Variants in PROS1 observed in about 807,000 individuals in gnomAD.
PROS1 encodes vitamin K-dependent protein S.
A neutral mutation model predicts 75.9 loss-of-function variants in PROS1; 29 were observed. The ratio of observed to expected loss-of-function variants is 0.38; its 90% CI spans 0.28 to 0.52. The LOEUF (loss-of-function observed/expected upper bound fraction) is 0.52, where lower values mean the gene tolerates loss of function less well. PROS1 is among the 20% of genes least tolerant of loss of function. The pLI, the probability that PROS1 is intolerant of heterozygous loss-of-function variation, is 0.83. For missense variants in PROS1, 680 were observed against 810.3 expected, an observed-to-expected ratio of 0.84 and a Z score of 1.95; for synonymous variants, 245 against 280.6, an observed-to-expected ratio of 0.87 and a Z score of 1.27.
intron 1 of PROS1, among the ~76,000 whole-genome samples, chr3:93,960,686 T>C (rs1334761108): frequency 2.6e-5 from 4 of 151,876 alleles, no homozygotes; most frequent in Non-Finnish European, 5.9e-5. Context: ...CATCAAGATT[T>C]AGAAATTTGA....
At chr3:93,961,860 A>G (rs1006722416) in intron 1 of PROS1, among the ~76,000 whole-genome samples, 2 of 152,172 alleles carry the variant, frequency 1.3e-5, no homozygotes, top group Non-Finnish European at 2.9e-5. Context: ...AAAGCCAGAC[A>G]TTCCTTGGCA....
chr3:93,883,265 C>T (rs1304088338), intron 12 of PROS1, among the ~76,000 whole-genome samples: 19 of 152,010 alleles, frequency 1.2e-4, no homozygotes, highest in East Asian at 1.9e-4. Context: ...TTTCTTGAGG[C>T]GTATTATGGA....
Position 93,874,196 on chromosome 3 carries a change from A to C in PROS1, c.*49T>G. The C allele has an allele frequency of 6.3e-7, 1 of 1,598,270 alleles. No individual in the cohort carries two copies. Among genetic ancestry groups the C allele is most frequent in the Non-Finnish European group, 8.6e-7 (1 of 1,166,234 alleles). On this transcript the variant is annotated 3_prime_UTR_variant, in exon 15 of 15. Coordinates refer to ENST00000394236, the MANE Select transcript of PROS1 (RefSeq NM_000313.4). ...ACCCTTCAGCTGTTATTGAAACATA[A>C]GTATAATTACACACAAGGAAAAGGT... is the stretch of plus-strand genomic sequence containing the variant.
intron 10 of PROS1, among the ~76,000 whole-genome samples, chr3:93,892,546 C>T (rs1708445695): frequency 6.6e-6 from 1 of 151,572 alleles, no homozygotes; most frequent in Admixed American, 6.6e-5. Flanking sequence ...ATCACTTGAA[C>T]CTGGGAGGTG....
Position 93,907,510 on chromosome 3 carries a change from T to C in PROS1, c.347-1367A>G, listed in dbSNP as rs578177644. Among the ~76,000 whole-genome samples, 3 of 152,302 alleles carry C rather than the reference T, an allele frequency of 2.0e-5. No homozygotes were observed. The East Asian group carries it at 5.8e-4, about 30-fold the overall frequency. On this transcript the variant is annotated intron_variant, in intron 4 of 14. Transcript: ENST00000394236. ...GCCACCTGCTTCAAGCCCTCCTCTC[T>C]GCTGAGGGCTGAACACTTGATGGGA...
chr3:93,913,074 A>AC (rs1232340691), intron 3 of PROS1, among the ~76,000 whole-genome samples: 1 of 152,086 alleles, frequency 6.6e-6, no homozygotes, highest in East Asian at 1.9e-4. Context: ...CAAGGGACAG[A>AC]CCAGGTGGAG....
chr3:93,879,258 A>C lies in PROS1; in HGVS notation c.1549T>G (p.Ser517Ala). The stretch of plus-strand genomic sequence containing the variant: ...GCAAGCATAACACCAGTGCCCGTGG[A>C]TGGACGAATATTCAAGGTCACATTT... Reference protein sequence around the residue: ...HVNVTLNIRPSTGTGVMLALV... With the variant: ...HVNVTLNIRPATGTGVMLALV... Residue 517 changes from serine (S) to alanine (A), a missense_variant, in exon 13 of 15, where the codon TCC (serine) becomes GCC (alanine). Coordinates refer to ENST00000394236, the MANE Select transcript of PROS1 (RefSeq NM_000313.4). The C allele has an allele frequency of 6.2e-7, 1 of 1,614,116 alleles. No homozygotes were observed.
intron 13 of PROS1, 127 bp from the exon 14 acceptor site, chr3:93,877,318 C>G: frequency 1.6e-6 from 1 of 617,552 alleles, no homozygotes; most frequent in South Asian, 2.2e-5. Flanking sequence ...GATAGAGCCT[C>G]TAAATTTAAG....
chr3:93,964,854 C>T (rs1709763383), intron 1 of PROS1, among the ~76,000 whole-genome samples: 1 of 152,162 alleles, frequency 6.6e-6, no homozygotes, highest in South Asian at 2.1e-4. Flanking sequence ...CTTTATTTCT[C>T]AGCCAGCCAA....
chr3:93,879,288 G>A lies in PROS1; in HGVS notation c.1519C>T (p.His507Tyr), dbSNP rs1473999001. The change falls in exon 13 of 15, where the codon CAT (histidine) becomes TAT (tyrosine). Residue 507 changes from histidine (H) to tyrosine (Y), a missense_variant. His to Tyr is a moderately conservative substitution (Grantham distance 83, BLOSUM62 2). Coordinates refer to ENST00000394236, the MANE Select transcript of PROS1 (RefSeq NM_000313.4). ...YNNVSSAEGWHVNVTLNIRPS... is the reference protein window; with the variant it reads ...YNNVSSAEGWYVNVTLNIRPS... ...CGAATATTCAAGGTCACATTTACAT[G>A]CCAACCCTCAGCACTGGATACATTA... The A allele has an allele frequency of 6.2e-7, 1 of 1,613,826 alleles. No homozygotes were observed. Among genetic ancestry groups the A allele is most frequent in the Non-Finnish European group, 8.5e-7 (1 of 1,179,896 alleles).
chr3:93,942,638 T>C (rs1027892278), intron 1 of PROS1, among the ~76,000 whole-genome samples: 1 of 152,178 alleles, frequency 6.6e-6, no homozygotes, highest in Admixed American at 6.5e-5. Context: ...ACAAGGCAAA[T>C]GGTTCTTGGA....
rs545224101 is a variant in PROS1, at chr3:93,970,748, CT to C, written c.76+2925del. Among the ~76,000 whole-genome samples the C allele has an allele frequency of 3.2e-3, 489 of 152,124 alleles. 2 individuals carry two copies. The South Asian group carries it at 0.038, about 12-fold the overall frequency. On this transcript the variant is annotated intron_variant, in intron 1 of 14. Transcript: ENST00000394236. ...ATTAGTTAATATCTCTGAACAATTT[CT>C]TTTTTTATTTTTAAAACAAATAAGT... is the stretch of plus-strand genomic sequence containing the variant.
chr3:93,881,555 A>ATT (rs1708276034), intron 12 of PROS1, among the ~76,000 whole-genome samples: 2 of 100,090 alleles, frequency 2.0e-5, no homozygotes, highest in Non-Finnish European at 2.0e-5. Flanking sequence ...TGTAGTAAGC[A>ATT]CTTTTTTTTT....
At chr3:93,947,711 C>A (rs1303695464) in intron 1 of PROS1, among the ~76,000 whole-genome samples, 1 of 152,124 alleles carries the variant, frequency 6.6e-6, no homozygotes, top group African/African-American at 2.4e-5. Flanking sequence ...GGACTACAGG[C>A]GCCTGCCACC....
intron 12 of PROS1, among the ~76,000 whole-genome samples, chr3:93,883,603 G>GA (rs1211086631): frequency 2.0e-5 from 3 of 147,658 alleles, no homozygotes; most frequent in African/African-American, 7.5e-5. Flanking sequence ...CAAAAAAAAA[G>GA]AAAAAAAGAA....
chr3:93,888,442 GAC>G (rs1184808863), intron 10 of PROS1, among the ~76,000 whole-genome samples: 1 of 151,942 alleles, frequency 6.6e-6, no homozygotes, highest in Non-Finnish European at 1.5e-5. Context: ...ATATAATAAT[GAC>G]AGAATTATTT....
chr3:93,956,031 A>AG (rs1709592772), intron 1 of PROS1, among the ~76,000 whole-genome samples: 2 of 152,166 alleles, frequency 1.3e-5, no homozygotes, highest in African/African-American at 4.8e-5. Context: ...TAATGTAAAT[A>AG]GACTGAATTA....
chr3:93,959,210 G>A (rs1239653146), intron 1 of PROS1, among the ~76,000 whole-genome samples: 3 of 152,114 alleles, frequency 2.0e-5, no homozygotes, highest in African/African-American at 7.2e-5. Context: ...AGCTATTCAG[G>A]AGCTGAGGCA....
At chr3:93,913,098 G>T (rs2107181499) in intron 3 of PROS1, among the ~76,000 whole-genome samples, 1 of 152,238 alleles carries the variant, frequency 6.6e-6, no homozygotes, top group South Asian at 2.1e-4. Context: ...ATTGAATCAG[G>T]GGGGCGATTT....
Sources: gnomAD v4.1 joint callset for allele counts (sites outside exome capture counted in the v4.1 genomes callset) on GRCh38, gnomAD v4.1.1 for gene constraint, MANE v1.5 for transcripts, NCBI Gene and HGNC (gene_info 2026-07-23, HGNC 2026-07-21) for gene names.